The following PRDM12 variants were observed in gnomAD, a reference collection of about 807,000 sequenced individuals.
The protein encoded by PRDM12 is PR/SET domain 12.
In PRDM12, 17 loss-of-function variants were observed where a neutral mutation model predicts 29.6. The observed-to-expected ratio is 0.57, with a 90% CI of 0.39 to 0.86. The LOEUF (loss-of-function observed/expected upper bound fraction) is 0.86, where lower values mean the gene tolerates loss of function less well. Ranked by LOEUF, PRDM12 falls within the 40% of genes least tolerant of loss-of-function variation. The pLI is 0.00. For synonymous variants in PRDM12, 231 were observed against 225.8 expected (o/e 1.02, Z -0.21); for missense variants, 422 against 510.8 (o/e 0.83, Z 1.68).
intron 4 of PRDM12, among the ~76,000 whole-genome samples, chr9:130,679,833 T>G (rs146201209): frequency 1.3e-5 from 2 of 151,770 alleles, no homozygotes; most frequent in African/African-American, 4.8e-5. Flanking sequence ...GCTAATTTTT[T>G]AAATTTATTG....
rs1227084119 is a variant in PRDM12 at position 130,666,706 on chromosome 9, A to T, written c.322A>T (p.Ile108Phe). 1 of 1,613,426 alleles carries T rather than the reference A, an allele frequency of 6.2e-7. No homozygotes were observed. The highest frequency in any genetic ancestry group is 8.5e-7 in the Non-Finnish European group (1 of 1,179,900). ...EGLGIFSKTW[I>F]KAGTEMGPFT... ...CCTCGGCATCTTCTCCAAGACGTGG[A>T]TCAAGGCGGGAACCGAGATGGGCCC... Residue 108 changes from isoleucine to phenylalanine, a missense_variant, in exon 2 of 5, where the codon ATC (isoleucine) becomes TTC (phenylalanine). Ile to Phe is a conservative substitution (Grantham distance 21). Around this residue, in one of 5 missense-constraint regions of PRDM12, gnomAD observed 300 missense variants for 350.0 expected, o/e 0.86. Transcript: ENST00000253008.
rs1385113343 is a variant in PRDM12, at chr9:130,664,752, G to A, written c.99G>A (p.Leu33=). The A allele has an allele frequency of 1.2e-6, 2 of 1,610,662 alleles. No homozygotes were observed. Among genetic ancestry groups the A allele is most frequent in the African/African-American group, 1.3e-5 (1 of 74,892 alleles). The change falls in exon 1 of 5, where the codon CTG becomes CTA. Residue 33 remains leucine (L), a synonymous_variant. Transcript: ENST00000253008. The surrounding 1 kb of genome is among the most constrained non-coding windows in gnomAD (Gnocchi z 6.4). ...CCGAGGTTATCACCTCCGACATCCT[G>A]CACAGCTTCCTGTACGGCCGCTGGC... The part of the protein sequence containing the change: ...ALAEVITSDI[L]HSFLYGRWRN...
In PRDM12 at chr9:130,681,688, C is replaced by A; in HGVS notation, c.*19C>A. On this transcript the variant is annotated 3_prime_UTR_variant, in exon 5 of 5. Transcript: ENST00000253008. This position sits in a 1 kb window ranked among gnomAD's most constrained non-coding sequence, Gnocchi z 8.1. ...GCTGTGAGCGCGCCCGCGCCCCCGC[C>A]GGGCCCCGCGCGCTCCTGGGTCCCC... 1.0e-6 allele frequency: 1 copy of A among 980,776 alleles called. No individual in the cohort carries two copies. The highest frequency in any genetic ancestry group is 4.5e-5 in the South Asian group (1 of 22,038). 60.8% of individuals were successfully genotyped at this position (980,776 alleles called of 1,614,324 possible).
At position 130,681,702 on chromosome 9, in the gene PRDM12, T is replaced by TCCTGGGTC. The variant is rs1214193588; in HGVS notation, c.*36_*43dup. 6.0e-5 allele frequency: 59 copies of TCCTGGGTC among 979,230 alleles called. No homozygotes were observed. The Middle Eastern group carries it at 1.6e-3, about 26-fold the overall frequency. 60.7% of individuals were successfully genotyped at this position (979,230 alleles called of 1,614,324 possible). A position where few individuals can be genotyped will look rare whatever the true frequency, so the allele number is the denominator to read the frequency against. On this transcript the variant is annotated 3_prime_UTR_variant, in exon 5 of 5. Coordinates refer to ENST00000253008, the MANE Select transcript of PRDM12 (RefSeq NM_021619.3). This position sits in a 1 kb window ranked among gnomAD's most constrained non-coding sequence, Gnocchi z 8.1. ...CGCGCCCCCGCCGGGCCCCGCGCGC[T>TCCTGGGTC]CCTGGGTCCCCGGCACCCCGGCCCC...
chr9:130,668,080 G>A lies in PRDM12; in HGVS notation c.415-78G>A. 6.6e-7 allele frequency: 1 copy of A among 1,511,626 alleles called. No individual in the cohort carries two copies. The highest frequency in any genetic ancestry group is 9.1e-7 in the Non-Finnish European group (1 of 1,096,860). 93.6% of individuals were successfully genotyped at this position (1,511,626 alleles called of 1,614,324 possible). ...TGGGGCTGTTGTGAGGATGGAGAGTGTGTGTGTGGATGTGCCTGGAAGATG... is the reference window on the plus strand; with the variant it reads ...TGGGGCTGTTGTGAGGATGGAGAGTATGTGTGTGGATGTGCCTGGAAGATG... On this transcript the variant is annotated intron_variant, in intron 2 of 4. Coordinates refer to ENST00000253008, the MANE Select transcript of PRDM12 (RefSeq NM_021619.3). This position sits in a 1 kb window ranked among gnomAD's most constrained non-coding sequence, Gnocchi z 4.0.
chr9:130,677,984 G>A (rs140461540), intron 3 of PRDM12, among the ~76,000 whole-genome samples: 96 of 150,954 alleles, frequency 6.4e-4, no homozygotes, highest in Admixed American at 3.2e-3. Flanking sequence ...AGCATCTGCC[G>A]TGTGCACAGA....
At chr9:130,680,634 A>AATAT (rs1181007721) in intron 4 of PRDM12, among the ~76,000 whole-genome samples, 16 of 88,494 alleles carry the variant, frequency 1.8e-4, no homozygotes, top group South Asian at 8.1e-4. Flanking sequence ...AAAAAAAAAA[A>AATAT]ATATATATAT....
intron 3 of PRDM12, among the ~76,000 whole-genome samples, chr9:130,675,487 G>A (rs991401087): frequency 1.6e-4 from 24 of 152,240 alleles, no homozygotes; most frequent in African/African-American, 3.9e-4. Context: ...CCGAACCAGC[G>A]GCCTCTGCAG....
chr9:130,670,489 T>C (rs751158606), intron 3 of PRDM12, among the ~76,000 whole-genome samples: 6 of 151,970 alleles, frequency 3.9e-5, no homozygotes, highest in Non-Finnish European at 8.8e-5. Flanking sequence ...GTTCCTGAAT[T>C]GGGTTTGAAG....
chr9:130,677,769 C>CT (rs1322262383), intron 3 of PRDM12, among the ~76,000 whole-genome samples: 1 of 152,222 alleles, frequency 6.6e-6, no homozygotes, highest in African/African-American at 2.4e-5. Context: ...TTACGCCTCC[C>CT]TGGATCATCA....
chr9:130,673,798 C>T (rs753590108), intron 3 of PRDM12, among the ~76,000 whole-genome samples: 15 of 148,238 alleles, frequency 1.0e-4, no homozygotes, highest in Non-Finnish European at 2.1e-4. Flanking sequence ...CAGCCTCCTG[C>T]GTAGCTGGGA....
chr9:130,678,150 TCAGCCCTGCAGCCCTGGGGGCTG>T (rs1485707802), intron 3 of PRDM12, among the ~76,000 whole-genome samples: 1 of 151,986 alleles, frequency 6.6e-6, no homozygotes, highest in East Asian at 1.9e-4. Context: ...AACATCTGGC[TCAGCCCTGCAGCCCTGGGGGCTG>T]GCTGACTCTA....
At chr9:130,670,334 C>T (rs1280970687) in intron 3 of PRDM12, among the ~76,000 whole-genome samples, 2 of 152,096 alleles carry the variant, frequency 1.3e-5, no homozygotes, top group Non-Finnish European at 2.9e-5. Context: ...CTAGTAGCTT[C>T]TCGGATGGGT....
chr9:130,666,319 G>A (rs951257102), intron 1 of PRDM12, among the ~76,000 whole-genome samples: 2 of 152,218 alleles, frequency 1.3e-5, no homozygotes, highest in African/African-American at 4.8e-5. Flanking sequence ...AAGAAGTTGC[G>A]AATGCTTTGA....
rs1385745600 is a variant in PRDM12, at chr9:130,664,827, C to A, written c.174C>A (p.Ser58Arg). The change falls in exon 1 of 5, where the codon AGC (serine) becomes AGA (arginine). Residue 58 changes from serine (S) to arginine (R), a missense_variant. By Grantham distance (110) the Ser-to-Arg change is moderately radical. Transcript: ENST00000253008. The surrounding 1 kb of genome is among the most constrained non-coding windows in gnomAD (Gnocchi z 6.4). ...QLFEDKSHHA[S>R]PKTAFTAEVL... ...TCGAGGACAAGAGCCACCACGCCAGCCCCAAGACAGCCTTCACCGCCGAGG... is the reference window on the plus strand; with the variant it reads ...TCGAGGACAAGAGCCACCACGCCAGACCCAAGACAGCCTTCACCGCCGAGG... 1 of 1,558,176 alleles carries A rather than the reference C, an allele frequency of 6.4e-7. No individual in the cohort carries two copies. The highest frequency in any genetic ancestry group is 1.9e-5 in the Admixed American group (1 of 52,036).
Position 130,681,829 on chromosome 9 carries a change from C to T in PRDM12, c.*160C>T, listed in dbSNP as rs1490003481. 3.1e-6 allele frequency: 2 copies of T among 641,636 alleles called. No individual in the cohort carries two copies. The highest frequency in any genetic ancestry group is 1.4e-4 in the East Asian group (1 of 7,224). The allele number at this position is 641,636 out of a possible 1,614,324, so 39.7% of individuals were successfully genotyped here. On this transcript the variant is annotated 3_prime_UTR_variant, in exon 5 of 5. Transcript: ENST00000253008. This position sits in a 1 kb window ranked among gnomAD's most constrained non-coding sequence, Gnocchi z 8.1. ...GGAGGCGGATCTCAGGCACCCCCGC[C>T]TTGGCCCGTGTCGCAGATGAGGACA...
Position 130,664,873 on chromosome 9 carries a change from G to C in PRDM12, c.220G>C (p.Gly74Arg), listed in dbSNP as rs537532695. 6.5e-7 allele frequency: 1 copy of C among 1,537,014 alleles called. No individual in the cohort carries two copies. The highest frequency in any genetic ancestry group is 8.8e-7 in the Non-Finnish European group (1 of 1,141,030). ...TAEVLAQSFSGEVQKLSSLVL... is the reference protein window; with the variant it reads ...TAEVLAQSFSREVQKLSSLVL... ...CGAGGTGCTGGCGCAGTCCTTCTCC[G>C]GCGGTGAGTCCAGCCGTCGGAGCCC... The change falls in exon 1 of 5, where the codon GGC (glycine) becomes CGC (arginine). Residue 74 changes from glycine (G) to arginine (R), a missense_variant. Coordinates refer to ENST00000253008, the MANE Select transcript of PRDM12 (RefSeq NM_021619.3). The surrounding 1 kb of genome is among the most constrained non-coding windows in gnomAD (Gnocchi z 6.4).
chr9:130,675,974 C>T (rs1830838627), intron 3 of PRDM12, among the ~76,000 whole-genome samples: 1 of 152,164 alleles, frequency 6.6e-6, no homozygotes. Flanking sequence ...CTCCCTGACC[C>T]CCTCATTTGA....
intron 3 of PRDM12, among the ~76,000 whole-genome samples, chr9:130,678,230 A>G (rs1181929190): frequency 1.3e-5 from 2 of 151,520 alleles, no homozygotes; most frequent in Non-Finnish European, 2.9e-5. Flanking sequence ...TCCATCTCCC[A>G]TTACTTCTGC....
Sources: allele counts gnomAD v4.1 joint callset (sites outside exome capture counted in the v4.1 genomes callset), GRCh38; gene constraint gnomAD v4.1.1; regional missense constraint gnomAD v4.1.1; non-coding constraint Gnocchi (gnomAD v3.1); transcripts MANE v1.5; gene names NCBI Gene and HGNC (gene_info 2026-07-23, HGNC 2026-07-21).